Variants in RHOA observed in about 807,000 individuals in gnomAD.
RHOA encodes the protein ras homolog family member A.
A neutral mutation model predicts 17.5 loss-of-function variants in RHOA; 3 were observed. That is an observed-to-expected ratio of 0.17 (90% CI 0.08 to 0.44). RHOA has a LOEUF of 0.44. Ranked by LOEUF, RHOA falls within the 20% of genes least tolerant of loss-of-function variation. The probability of loss-of-function intolerance (pLI) is 0.99; values close to 1 mark genes in which losing one functional copy is unlikely to be tolerated. For missense variants in RHOA, 56 were observed against 242.3 expected (o/e 0.23, Z 5.10); for synonymous variants, 98 against 88.4 (o/e 1.11, Z -0.61).
chr3:49,404,092 G>A (rs116449648), intron 1 of RHOA, among the ~76,000 whole-genome samples: 31 of 102,736 alleles, frequency 3.0e-4, no homozygotes, highest in African/African-American at 8.7e-4. Context: ...TTGAGCCCAG[G>A]AGTCTGAGAC....
chr3:49,367,416 G>A (rs947045279), intron 3 of RHOA, among the ~76,000 whole-genome samples: 1 of 148,384 alleles, frequency 6.7e-6, no homozygotes, highest in African/African-American at 2.5e-5. Context: ...TTAGGCTAAT[G>A]AAATGATCAC....
intron 1 of RHOA, among the ~76,000 whole-genome samples, chr3:49,393,676 C>CTG (rs71080504): frequency 0.017 from 171 of 10,344 alleles, 3 homozygotes; most frequent in African/African-American, 0.038. Flanking sequence ...AATTCTCTCT[C>CTG]TGTGTGTGTG....
intron 1 of RHOA, among the ~76,000 whole-genome samples, chr3:49,398,655 C>T (rs58641737): frequency 6.7e-6 from 1 of 149,842 alleles, no homozygotes; most frequent in Non-Finnish European, 1.5e-5. Flanking sequence ...GAAACCCCGT[C>T]TCTACTAAAA....
chr3:49,371,960 A>G (rs2048153348), intron 2 of RHOA, among the ~76,000 whole-genome samples: 1 of 152,232 alleles, frequency 6.6e-6, no homozygotes, highest in Admixed American at 6.5e-5. Context: ...TCATGCTTAC[A>G]GACATGCAGC....
intron 3 of RHOA, 81 bp downstream of exon 3, chr3:49,368,347 T>C: frequency 6.5e-7 from 1 of 1,533,506 alleles, no homozygotes; most frequent in Non-Finnish European, 8.9e-7. Context: ...CATGTCTGCT[T>C]TTCAGCCACT....
chr3:49,403,619 C>T (rs764745338), intron 1 of RHOA, among the ~76,000 whole-genome samples: 2 of 151,714 alleles, frequency 1.3e-5, no homozygotes, highest in Non-Finnish European at 2.9e-5. Context: ...CCCAGCTACT[C>T]GGGAGGCTAA....
At chr3:49,383,616 C>T (rs886263715) in intron 1 of RHOA, among the ~76,000 whole-genome samples, 3 of 152,226 alleles carry the variant, frequency 2.0e-5, no homozygotes, top group East Asian at 1.9e-4. Context: ...CCATTCCTTC[C>T]GGGTGCTCTG....
intron 1 of RHOA, among the ~76,000 whole-genome samples, chr3:49,409,580 A>T (rs1004933012): frequency 6.6e-6 from 1 of 152,072 alleles, no homozygotes; most frequent in African/African-American, 2.4e-5. Flanking sequence ...GAGTTAACAT[A>T]TATCTCTCAG....
At chr3:49,408,177 A>T (rs6446267) in intron 1 of RHOA, among the ~76,000 whole-genome samples, 42,503 of 116,626 alleles carry the variant, frequency 0.36, 8,592 homozygotes, top group East Asian at 0.8. Context: ...AAAAAAAAAA[A>T]ATATATATAT....
At chr3:49,364,716 T>C (rs1038085444) in intron 3 of RHOA, among the ~76,000 whole-genome samples, 5 of 151,930 alleles carry the variant, frequency 3.3e-5, no homozygotes, top group African/African-American at 9.7e-5. Context: ...CAGTGGCTCA[T>C]CAGGCCTGTA....
At chr3:49,395,605 C>T (rs866139715) in intron 1 of RHOA, among the ~76,000 whole-genome samples, 4 of 151,712 alleles carry the variant, frequency 2.6e-5, no homozygotes, top group African/African-American at 4.8e-5. Context: ...TTCAGCTACT[C>T]GGGAGGCTGA....
At chr3:49,395,264 G>T (rs1575672075) in intron 1 of RHOA, among the ~76,000 whole-genome samples, 1 of 150,540 alleles carries the variant, frequency 6.6e-6, no homozygotes, top group Admixed American at 6.6e-5. Flanking sequence ...AAAAAAAAAA[G>T]AATTCAGAAA....
At chr3:49,375,359 G>T in intron 2 of RHOA, 75 bp downstream of exon 2, 1 of 1,429,058 alleles carries the variant, frequency 7.0e-7, no homozygotes, top group Non-Finnish European at 9.5e-7. Context: ...GAGGCAAAAA[G>T]CTCTAATTCT....
chr3:49,411,220 G>T (rs1344246249), intron 1 of RHOA, among the ~76,000 whole-genome samples: 1 of 151,820 alleles, frequency 6.6e-6, no homozygotes, highest in African/African-American at 2.4e-5. Context: ...GAGTTCGGGC[G>T]CGTTCCAGGT....
At chr3:49,381,821 T>G (rs1394734913) in intron 1 of RHOA, among the ~76,000 whole-genome samples, 1 of 149,124 alleles carries the variant, frequency 6.7e-6, no homozygotes, top group East Asian at 2.0e-4. Flanking sequence ...GCTGAGATCG[T>G]GCCACTGCAC....
At chr3:49,389,177 A>C (rs2048453754) in intron 1 of RHOA, among the ~76,000 whole-genome samples, 1 of 151,888 alleles carries the variant, frequency 6.6e-6, no homozygotes, top group South Asian at 2.1e-4. Flanking sequence ...CCCCATCTCT[A>C]CAAAAATACA....
chr3:49,361,230 T>G (rs567106316), intron 4 of RHOA, among the ~76,000 whole-genome samples: 1 of 152,166 alleles, frequency 6.6e-6, no homozygotes, highest in East Asian at 1.9e-4. Flanking sequence ...CCTGGAAGGT[T>G]AAGGAGTCAA....
At chr3:49,402,059 GA>G (rs1559517987) in intron 1 of RHOA, among the ~76,000 whole-genome samples, 2 of 152,170 alleles carry the variant, frequency 1.3e-5, no homozygotes, top group Admixed American at 6.6e-5. Context: ...ACTGCCAAGT[GA>G]AAATCACTTC....
intron 3 of RHOA, among the ~76,000 whole-genome samples, chr3:49,367,171 T>C (rs2048069127): frequency 6.6e-6 from 1 of 151,296 alleles, no homozygotes; most frequent in Non-Finnish European, 1.5e-5. Context: ...TGAAATCCCA[T>C]CTCTACTAAA....
Sources: gnomAD v4.1 joint callset for allele counts (sites outside exome capture counted in the v4.1 genomes callset) on GRCh38, gnomAD v4.1.1 for gene constraint, MANE v1.5 for transcripts, NCBI Gene and HGNC (gene_info 2026-07-23, HGNC 2026-07-21) for gene names.